Variants in CSMD3 observed in about 807,000 individuals in gnomAD.
CSMD3 encodes the protein CUB and Sushi multiple domains 3.
CSMD3 carries 177 observed loss-of-function variants against 435.2 expected under a neutral mutation model. That is an observed-to-expected ratio of 0.41 (90% CI 0.36 to 0.46). The LOEUF (loss-of-function observed/expected upper bound fraction) is 0.46, where lower values mean the gene tolerates loss of function less well. Ranked by LOEUF, CSMD3 falls within the 20% of genes least tolerant of loss-of-function variation. CSMD3 has a pLI of 0.34. For missense variants in CSMD3, 4,265 were observed against 4,504.6 expected, an observed-to-expected ratio of 0.95 and a Z score of 1.52; for synonymous variants, 1,656 against 1,520.5, an observed-to-expected ratio of 1.09 and a Z score of -2.07.
At chr8:112,665,464 C>T (rs1009614373) in intron 17 of CSMD3, among the ~76,000 whole-genome samples, 1 of 152,062 alleles carries the variant, frequency 6.6e-6, no homozygotes, top group African/African-American at 2.4e-5. Flanking sequence ...AATGAAAGAC[C>T]TTTTGAGTTA....
intron 17 of CSMD3, among the ~76,000 whole-genome samples, chr8:112,663,665 AAG>A (rs1182897443): frequency 2.6e-5 from 4 of 152,072 alleles, no homozygotes; most frequent in South Asian, 4.1e-4. Flanking sequence ...AGTTTGGGAT[AAG>A]AGAGGGGATT....
Position 112,346,174 on chromosome 8 carries a change from A to T in CSMD3, c.6365T>A (p.Ile2122Asn). Residue 2122 changes from isoleucine (I) to asparagine (N), a missense_variant, in exon 41 of 71, where the codon ATC becomes AAC. This residue lies in a region of CSMD3 where 3,255 missense variants were observed against 3,380.2 expected (regional missense o/e 0.96). Coordinates refer to ENST00000297405, the MANE Select transcript of CSMD3 (RefSeq NM_198123.2). ...GTTTCCAGGAAACCCAGGACTGAGG[A>T]TCACACCACTGAAGTCTGACATAGC... Reference protein sequence around the residue: ...GGAMSDFSGVILSPGFPGNYP... With the variant: ...GGAMSDFSGVNLSPGFPGNYP... 1 of 1,613,654 alleles carries T rather than the reference A, an allele frequency of 6.2e-7. No homozygotes were observed. Among genetic ancestry groups the T allele is most frequent in the Non-Finnish European group, 8.5e-7 (1 of 1,179,568 alleles).
chr8:112,616,136 T>G (rs13277805), intron 22 of CSMD3, among the ~76,000 whole-genome samples: 86,075 of 151,802 alleles, frequency 0.57, 24,907 homozygotes, highest in African/African-American at 0.67. Context: ...GCAAGTTACA[T>G]AATCTCAAGT....
chr8:112,627,054 T>C (rs1722232037), intron 22 of CSMD3, among the ~76,000 whole-genome samples: 1 of 152,120 alleles, frequency 6.6e-6, no homozygotes, highest in East Asian at 1.9e-4. Context: ...AGGTAAAATA[T>C]TCCTTATCTG....
intron 11 of CSMD3, among the ~76,000 whole-genome samples, chr8:112,840,737 G>T (rs1309598810): frequency 6.6e-6 from 1 of 151,576 alleles, no homozygotes. Flanking sequence ...AGTGAGGAAA[G>T]GTAGCTATAC....
intron 5 of CSMD3, among the ~76,000 whole-genome samples, chr8:113,062,252 C>T (rs2088649265): frequency 2.0e-5 from 3 of 151,764 alleles, no homozygotes; most frequent in African/African-American, 7.2e-5. Context: ...TATATACACA[C>T]TAAAAGTATC....
intron 60 of CSMD3, 128 bp from the exon 61 acceptor site, chr8:112,263,940 T>C: frequency 6.0e-6 from 5 of 835,712 alleles, no homozygotes; most frequent in Non-Finnish European, 8.0e-6. Context: ...TGTTGTGACA[T>C]ATCTTATTCT....
At chr8:113,005,497 G>A (rs1420078613) in intron 6 of CSMD3, among the ~76,000 whole-genome samples, 2 of 151,740 alleles carry the variant, frequency 1.3e-5, no homozygotes, top group African/African-American at 4.8e-5. Flanking sequence ...TAAAAAAAAT[G>A]TAACATCAAA....
intron 54 of CSMD3, among the ~76,000 whole-genome samples, chr8:112,293,671 T>C (rs970431330): frequency 7.2e-5 from 11 of 152,252 alleles, no homozygotes; most frequent in Admixed American, 4.6e-4. Flanking sequence ...TGTCCCACTA[T>C]AAATTTTACA....
chr8:112,298,066 C>CAAAAAAAAAAAAAAAAAAAAAAAAAAA (rs35232021), intron 53 of CSMD3, among the ~76,000 whole-genome samples: 3 of 93,588 alleles, frequency 3.2e-5, no homozygotes, highest in Admixed American at 1.3e-4. Context: ...TGCCATTGCA[C>CAAAAAAAAAAAAAAAAAAAAAAAAAAA]AAAAAAAAAA....
intron 5 of CSMD3, among the ~76,000 whole-genome samples, chr8:113,048,935 T>C (rs929845792): frequency 3.9e-5 from 6 of 152,252 alleles, no homozygotes; most frequent in Non-Finnish European, 7.4e-5. Context: ...CAGCATTTTG[T>C]GTTTTATAAG....
intron 38 of CSMD3, among the ~76,000 whole-genome samples, chr8:112,355,688 C>CCAGG (rs886381901): frequency 1.3e-5 from 2 of 151,948 alleles, no homozygotes; most frequent in African/African-American, 4.8e-5. Context: ...AAAAAATTAG[C>CCAGG]CAGGCGTGGT....
At chr8:112,522,315 A>G (rs987417024) in intron 27 of CSMD3, among the ~76,000 whole-genome samples, 2 of 151,920 alleles carry the variant, frequency 1.3e-5, no homozygotes, top group Admixed American at 6.6e-5. Flanking sequence ...CTAATTATAT[A>G]TAAGGAATCT....
At chr8:113,291,813 A>C (rs945434852) in intron 2 of CSMD3, among the ~76,000 whole-genome samples, 20 of 152,088 alleles carry the variant, frequency 1.3e-4, no homozygotes, top group African/African-American at 4.8e-4. Context: ...ACACAAAAAA[A>C]CTAAAGGAAG....
At chr8:112,524,230 A>G (rs1051247414) in intron 27 of CSMD3, among the ~76,000 whole-genome samples, 1 of 152,034 alleles carries the variant, frequency 6.6e-6, no homozygotes, top group African/African-American at 2.4e-5. Context: ...GTTGAAGACT[A>G]TCAAAAGGAT....
chr8:112,733,069 T>G (rs977854835), intron 13 of CSMD3, among the ~76,000 whole-genome samples: 4 of 152,166 alleles, frequency 2.6e-5, no homozygotes, highest in Non-Finnish European at 4.4e-5. Context: ...GTTAGACCTT[T>G]TGTTTTCACC....
intron 7 of CSMD3, among the ~76,000 whole-genome samples, chr8:112,968,983 C>T (rs1249356513): frequency 1.3e-5 from 2 of 151,884 alleles, no homozygotes; most frequent in Non-Finnish European, 2.9e-5. Flanking sequence ...TAGTTGCTTG[C>T]AAACACTTGA....
chr8:113,086,079 T>C (rs1588043474), intron 5 of CSMD3, among the ~76,000 whole-genome samples: 1 of 133,270 alleles, frequency 7.5e-6, no homozygotes, highest in African/African-American at 3.0e-5. Context: ...CTACTAAAAA[T>C]AAACACACAC....
intron 27 of CSMD3, among the ~76,000 whole-genome samples, chr8:112,534,842 G>C (rs1423382242): frequency 6.6e-6 from 1 of 151,996 alleles, no homozygotes. Context: ...ATGATCAAGT[G>C]GGCTTCATCC....
Sources: gnomAD v4.1 joint callset for allele counts (sites outside exome capture counted in the v4.1 genomes callset) on GRCh38, gnomAD v4.1.1 for gene constraint, gnomAD v4.1.1 regional missense constraint, MANE v1.5 for transcripts, NCBI Gene and HGNC (gene_info 2026-07-23, HGNC 2026-07-21) for gene names.